CACNA1I: variants seen among roughly 807,000 people sequenced by gnomAD.
CACNA1I encodes the protein calcium voltage-gated channel subunit alpha1 I.
A neutral mutation model predicts 201.6 loss-of-function variants in CACNA1I; 74 were observed. The ratio of observed to expected loss-of-function variants is 0.37; its 90% CI spans 0.30 to 0.45. The LOEUF is 0.45. Ranked by LOEUF, CACNA1I falls within the 20% of genes least tolerant of loss-of-function variation. The probability of loss-of-function intolerance (pLI) is 1.00; values close to 1 mark genes in which losing one functional copy is unlikely to be tolerated. For synonymous variants in CACNA1I, 1,431 were observed against 1,345.2 expected, an observed-to-expected ratio of 1.06 and a Z score of -1.40; for missense variants, 2,346 against 3,138.1, an observed-to-expected ratio of 0.75 and a Z score of 6.03.
chr22:39,610,250 C>G (rs1401297323), intron 3 of CACNA1I, among the ~76,000 whole-genome samples: 1 of 152,216 alleles, frequency 6.6e-6, no homozygotes, highest in Admixed American at 6.5e-5. Context: ...GGCTAGTCAT[C>G]ATCCTGAAGT....
At chr22:39,612,404 GC>G (rs764651083) in intron 3 of CACNA1I, among the ~76,000 whole-genome samples, 84 of 152,164 alleles carry the variant, frequency 5.5e-4, no homozygotes, top group Non-Finnish European at 1.9e-4. Context: ...TGTTTGGGGT[GC>G]TCTAACAAAA....
At position 39,665,956 on chromosome 22, in the gene CACNA1I, G is replaced by T. The variant is rs765055982; in HGVS notation, c.4054G>T (p.Ala1352Ser). Residue 1352 changes from alanine (A) to serine (S), a missense_variant, in exon 23 of 37, where the codon GCC becomes TCC. Ala to Ser is a moderately conservative substitution (Grantham distance 99). Around this residue, in one of 13 missense-constraint regions of CACNA1I, gnomAD observed 228 missense variants for 395.7 expected, o/e 0.58. Transcript: ENST00000402142. The surrounding 1 kb of genome is among the most constrained non-coding windows in gnomAD (Gnocchi z 5.5). ...CACCAACCGCTCGGACTGCATGGCC[G>T]CCAACTACCGCTGGGTCCATCACAA... ...NITNRSDCMA[A>S]NYRWVHHKYN... The T allele has an allele frequency of 6.2e-7, 1 of 1,613,786 alleles. No individual in the cohort carries two copies. Among genetic ancestry groups the T allele is most frequent in the Non-Finnish European group, 8.5e-7 (1 of 1,179,852 alleles).
chr22:39,672,674 T>A (rs2235341), intron 27 of CACNA1I, among the ~76,000 whole-genome samples: 2 of 151,938 alleles, frequency 1.3e-5, no homozygotes, highest in Non-Finnish European at 2.9e-5. Flanking sequence ...AAGATTAGAC[T>A]TGGAAGTCAT....
chr22:39,679,922 GGT>G, intron 33 of CACNA1I, 54 bp downstream of exon 33: 1 of 1,559,948 alleles, frequency 6.4e-7, no homozygotes, highest in Non-Finnish European at 8.7e-7. Context: ...CACGAAACCT[GGT>G]GGGGGGCCTG....
intron 8 of CACNA1I, 113 bp downstream of exon 8, chr22:39,646,994 C>T (rs371130323): frequency 1.4e-6 from 2 of 1,407,810 alleles, no homozygotes; most frequent in Non-Finnish European, 1.9e-6. Flanking sequence ...TCACTTCATG[C>T]TCAAGTGTTT....
At position 39,658,924 on chromosome 22, in the gene CACNA1I, A is replaced by G. The variant is rs763046313; in HGVS notation, c.2145-7A>G. Reference sequence around the variant, plus strand: ...CTGTACCCTGGGCCTGCCCTGCGGGACCGCAGCATCTGGGAGATTGTGGGG... The same window carrying G: ...CTGTACCCTGGGCCTGCCCTGCGGGGCCGCAGCATCTGGGAGATTGTGGGG... On this transcript the variant is annotated splice_polypyrimidine_tract_variant and splice_region_variant and intron_variant, in intron 11 of 36. Transcript: ENST00000402142. The G allele has an allele frequency of 2.6e-5, 42 of 1,585,248 alleles. No homozygotes were observed. The highest frequency in any genetic ancestry group is 3.2e-5 in the Non-Finnish European group (37 of 1,168,828).
At chr22:39,580,914 C>G (rs1177713486) in intron 1 of CACNA1I, among the ~76,000 whole-genome samples, 1 of 152,224 alleles carries the variant, frequency 6.6e-6, no homozygotes, top group African/African-American at 2.4e-5. Flanking sequence ...GGACACTGGT[C>G]TGGGCTTGAG....
intron 17 of CACNA1I, 98 bp downstream of exon 17, chr22:39,662,533 G>C: frequency 1.0e-6 from 1 of 966,436 alleles, no homozygotes; most frequent in Non-Finnish European, 1.5e-6. Context: ...GGGCCCACGG[G>C]GGGCGTGGCC....
chr22:39,652,239 G>A (rs1934674045), intron 10 of CACNA1I, among the ~76,000 whole-genome samples: 1 of 152,134 alleles, frequency 6.6e-6, no homozygotes, highest in Admixed American at 6.5e-5. Context: ...CAGGTGATCT[G>A]CCTGTCTCAC....
intron 1 of CACNA1I, among the ~76,000 whole-genome samples, chr22:39,589,151 C>T (rs1020075459): frequency 1.3e-5 from 2 of 152,152 alleles, no homozygotes. Context: ...GGCCAAATGT[C>T]CCTTGGGGGA....
chr22:39,583,927 G>T (rs1932662680), intron 1 of CACNA1I, among the ~76,000 whole-genome samples: 1 of 152,240 alleles, frequency 6.6e-6, no homozygotes, highest in African/African-American at 2.4e-5. Context: ...TTTTGATGAA[G>T]TGCATCCTGG....
At chr22:39,674,793 A>G (rs1203489361) in intron 29 of CACNA1I, among the ~76,000 whole-genome samples, 3 of 152,136 alleles carry the variant, frequency 2.0e-5, no homozygotes, top group Non-Finnish European at 2.9e-5. Context: ...TAGGTGCCTT[A>G]AAATACAAGG....
chr22:39,648,075 C>A lies in CACNA1I; in HGVS notation c.1567+149C>A. On this transcript the variant is annotated intron_variant, in intron 9 of 36. Coordinates refer to ENST00000402142, the MANE Select transcript of CACNA1I (RefSeq NM_021096.4). This position sits in a 1 kb window ranked among gnomAD's most constrained non-coding sequence, Gnocchi z 5.4. Reference sequence around the variant, plus strand: ...CCTGTCTCCCTCTATAAAGTGAGGACAGGGGCCCCCAGCACGTGGCCGTCC... The same window carrying A: ...CCTGTCTCCCTCTATAAAGTGAGGAAAGGGGCCCCCAGCACGTGGCCGTCC... 2.9e-6 allele frequency: 2 copies of A among 682,140 alleles called. No individual in the cohort carries two copies. Among genetic ancestry groups the A allele is most frequent in the Non-Finnish European group, 4.9e-6 (2 of 408,076 alleles). The allele number at this position is 682,140 out of a possible 1,614,324, so 42.3% of individuals were successfully genotyped here. A position where few individuals can be genotyped will look rare whatever the true frequency, so the allele number is the denominator to read the frequency against.
intron 10 of CACNA1I, among the ~76,000 whole-genome samples, chr22:39,650,148 G>A: frequency 6.6e-6 from 1 of 152,032 alleles, no homozygotes; most frequent in Non-Finnish European, 1.5e-5. Flanking sequence ...AATGATGAGT[G>A]AACGAGTGAA....
chr22:39,641,535 G>A (rs1163267286), intron 6 of CACNA1I, among the ~76,000 whole-genome samples: 1 of 152,192 alleles, frequency 6.6e-6, no homozygotes, highest in Non-Finnish European at 1.5e-5. Context: ...TTCAAGCTCT[G>A]TTGGAGGGAT....
chr22:39,624,347 G>A (rs1167403593), intron 4 of CACNA1I, among the ~76,000 whole-genome samples: 1 of 152,184 alleles, frequency 6.6e-6, no homozygotes, highest in Non-Finnish European at 1.5e-5. Flanking sequence ...CTGGCCTCTG[G>A]GAAGGCAGGG....
chr22:39,650,152 G>A (rs1158392405), intron 10 of CACNA1I, among the ~76,000 whole-genome samples: 1 of 152,024 alleles, frequency 6.6e-6, no homozygotes, highest in African/African-American at 2.4e-5. Flanking sequence ...ATGAGTGAAC[G>A]AGTGAAGCTG....
intron 4 of CACNA1I, among the ~76,000 whole-genome samples, chr22:39,632,077 C>A (rs984733307): frequency 6.6e-6 from 1 of 151,962 alleles, no homozygotes; most frequent in African/African-American, 2.4e-5. Flanking sequence ...TTTGCAGGAG[C>A]CTTTTGGAAT....
chr22:39,620,528 G>A (rs1473339753), intron 4 of CACNA1I, among the ~76,000 whole-genome samples: 1 of 152,192 alleles, frequency 6.6e-6, no homozygotes, highest in East Asian at 1.9e-4. Flanking sequence ...CAGTCATTCT[G>A]AGGGAGGTGA....
Sources: gnomAD v4.1 joint callset for allele counts (sites outside exome capture counted in the v4.1 genomes callset) on GRCh38, gnomAD v4.1.1 for gene constraint, gnomAD v4.1.1 regional missense constraint, Gnocchi (gnomAD v3.1) non-coding constraint, MANE v1.5 for transcripts, NCBI Gene and HGNC (gene_info 2026-07-23, HGNC 2026-07-21) for gene names.